SERTAD4: variants seen among roughly 807,000 people sequenced by gnomAD.
SERTAD4 encodes the protein SERTA domain containing 4, also known as SERTA domain-containing protein 4.
A neutral mutation model predicts 32.9 loss-of-function variants in SERTAD4; 18 were observed. That is an observed-to-expected ratio of 0.55 (90% CI 0.38 to 0.81). SERTAD4 has a LOEUF of 0.81. Among genes scored for constraint, SERTAD4 ranks in the 30% least tolerant of loss-of-function variants. The probability of loss-of-function intolerance (pLI) is 0.00; values close to 1 mark genes in which losing one functional copy is unlikely to be tolerated. For missense variants in SERTAD4, 383 were observed against 426.0 expected, an observed-to-expected ratio of 0.90 and a Z score of 0.89; for synonymous variants, 150 against 156.4, an observed-to-expected ratio of 0.96 and a Z score of 0.30.
At position 210,241,871 on chromosome 1, in the gene SERTAD4, T is replaced by C. The variant is rs367711056; in HGVS notation, c.605T>C (p.Leu202Ser). 1 of 1,614,060 alleles carries C rather than the reference T, an allele frequency of 6.2e-7. No homozygotes were observed. Among genetic ancestry groups the C allele is most frequent in the African/African-American group, 1.3e-5 (1 of 74,930 alleles). Residue 202 changes from leucine to serine, a missense_variant, in exon 4 of 4, where the codon TTA becomes TCA. By Grantham distance (145) the Leu-to-Ser change is moderately radical. Coordinates refer to ENST00000367012, the MANE Select transcript of SERTAD4 (RefSeq NM_019605.5). ...YQECGGHYLN[L>S]PLSVNANVGS... is the part of the protein sequence containing the mutation. ...GAATGTGGTGGCCACTACCTAAATT[T>C]ACCCCTTTCTGTCAATGCTAATGTT... is the stretch of plus-strand genomic sequence containing the variant.
chr1:210,233,444 G>T (rs942647149), intron 1 of SERTAD4, among the ~76,000 whole-genome samples: 2 of 152,202 alleles, frequency 1.3e-5, no homozygotes, highest in African/African-American at 2.4e-5. Flanking sequence ...GGTGCCCCCA[G>T]GTCCGGATGC....
chr1:210,239,424 G>A lies in SERTAD4; in HGVS notation c.176-69G>A, dbSNP rs1017219021. Reference sequence around the variant, plus strand: ...GTTATCCTCTAGAAGGAAAGGAAACGAAAGTATTTTGTTTGGAGAACCTCT... The same window carrying A: ...GTTATCCTCTAGAAGGAAAGGAAACAAAAGTATTTTGTTTGGAGAACCTCT... On this transcript the variant is annotated intron_variant, in intron 2 of 3. Coordinates refer to ENST00000367012, the MANE Select transcript of SERTAD4 (RefSeq NM_019605.5). 1.0e-4 allele frequency: 91 copies of A among 875,980 alleles called. No individual in the cohort carries two copies. The East Asian group carries it at 1.4e-3, about 14-fold the overall frequency. The allele number at this position is 875,980 out of a possible 1,614,324, so 54.3% of individuals were successfully genotyped here. A position where few individuals can be genotyped will look rare whatever the true frequency, so the allele number is the denominator to read the frequency against.
rs1029468183 is a variant in SERTAD4 at position 210,242,823 on chromosome 1, G to GGTGCT, written c.*489_*493dup. The GGTGCT allele has an allele frequency of 1.0e-6, 1 of 987,318 alleles. No homozygotes were observed. Among genetic ancestry groups the GGTGCT allele is most frequent in the Non-Finnish European group, 1.2e-6 (1 of 831,182 alleles). 61.2% of individuals were successfully genotyped at this position (987,318 alleles called of 1,614,324 possible). A position where few individuals can be genotyped will look rare whatever the true frequency, so the allele number is the denominator to read the frequency against. ...AGGGAGCTAGATGAAATGGCTTAATGGTGCTGTTAAGTATTTGTACCTAAC... is the reference window on the plus strand; with the variant it reads ...AGGGAGCTAGATGAAATGGCTTAATGGTGCTGTGCTGTTAAGTATTTGTACCTAAC... On this transcript the variant is annotated 3_prime_UTR_variant, in exon 4 of 4. Coordinates refer to ENST00000367012, the MANE Select transcript of SERTAD4 (RefSeq NM_019605.5). This position sits in a 1 kb window ranked among gnomAD's most constrained non-coding sequence, Gnocchi z 4.0.
Position 210,245,286 on chromosome 1 carries a change from G to A in SERTAD4, c.*2949G>A, listed in dbSNP as rs760780363. The A allele has an allele frequency of 6.6e-6, 1 of 152,122 alleles. No homozygotes were observed. Among genetic ancestry groups the A allele is most frequent in the East Asian group, 1.9e-4 (1 of 5,192 alleles). 9.4% of individuals were successfully genotyped at this position (152,122 alleles called of 1,614,324 possible). The stretch of plus-strand genomic sequence containing the variant: ...GGGGAAATCTTCATTTAAGAAAGTT[G>A]CCTTGCTCCCCAAGAGTGCCTTTAA... On this transcript the variant is annotated 3_prime_UTR_variant, in exon 4 of 4. Transcript: ENST00000367012.
rs1218749145 is a variant in SERTAD4 at position 210,242,000 on chromosome 1, A to G, written c.734A>G (p.Asp245Gly). Residue 245 changes from aspartate to glycine, a missense_variant, in exon 4 of 4, where the codon GAT (aspartate) becomes GGT (glycine). Coordinates refer to ENST00000367012, the MANE Select transcript of SERTAD4 (RefSeq NM_019605.5). ...TTACCGAGTTGTTCCCGCCAGGTGGATTTTGATGTAGGTAGTGCATCTATT... is the reference window on the plus strand; with the variant it reads ...TTACCGAGTTGTTCCCGCCAGGTGGGTTTTGATGTAGGTAGTGCATCTATT... The part of the protein sequence containing the change: ...LPLPSCSRQV[D>G]FDVGSASIYK... 2 of 1,613,606 alleles carry G rather than the reference A, an allele frequency of 1.2e-6. No homozygotes were observed. The highest frequency in any genetic ancestry group is 1.7e-6 in the Non-Finnish European group (2 of 1,179,960).
In SERTAD4 at chr1:210,241,989, C is replaced by G; in HGVS notation, c.723C>G (p.Ser241=). Residue 241 remains serine, a synonymous_variant, in exon 4 of 4, where the codon TCC becomes TCG. Transcript: ENST00000367012. The part of the protein sequence containing the change: ...SSPPLPLPSC[S]RQVDFDVGSA... The stretch of plus-strand genomic sequence containing the variant: ...CCCCTTTGCCTTTACCGAGTTGTTC[C>G]CGCCAGGTGGATTTTGATGTAGGTA... 6.2e-7 allele frequency: 1 copy of G among 1,614,110 alleles called. No homozygotes were observed. Among genetic ancestry groups the G allele is most frequent in the South Asian group, 1.1e-5 (1 of 91,074 alleles).
At chr1:210,233,661 C>G (rs774524646) in intron 1 of SERTAD4, 12 of 469,770 alleles carry the variant, frequency 2.6e-5, no homozygotes, top group Non-Finnish European at 4.8e-5. Flanking sequence ...GGCTGCTGCC[C>G]GCCTGGTCCA....
chr1:210,239,721 A>T, intron 3 of SERTAD4, 113 bp downstream of exon 3: 1 of 605,334 alleles, frequency 1.7e-6, no homozygotes, highest in Non-Finnish European at 2.8e-6. Context: ...AAAATGAGCC[A>T]CTTCTCAGTG....
rs1329033978 is a variant in SERTAD4 at position 210,240,864 on chromosome 1, A to G, written c.292-694A>G. 2.0e-5 allele frequency among the ~76,000 whole-genome samples: 3 copies of G among 152,230 alleles called. No homozygotes were observed. In the East Asian group the frequency reaches 5.8e-4, roughly 29 times the overall value. On this transcript the variant is annotated intron_variant, in intron 3 of 3. Transcript: ENST00000367012. ...TTGCAAGTATGAAACCCAAAGGATTAAAAGAGGGACAGCATTAAAAGCCAA... is the reference window on the plus strand; with the variant it reads ...TTGCAAGTATGAAACCCAAAGGATTGAAAGAGGGACAGCATTAAAAGCCAA...
rs1318646961 is a variant in SERTAD4 at position 210,241,693 on chromosome 1, A to T, written c.427A>T (p.Ile143Phe). The T allele has an allele frequency of 3.1e-6, 5 of 1,614,066 alleles. No individual in the cohort carries two copies. The highest frequency in any genetic ancestry group is 4.2e-6 in the Non-Finnish European group (5 of 1,180,008). ...NNLMKRIHGE[I>F]IMQNNWCFPA... is the part of the protein sequence containing the mutation. ...TTTGATGAAAAGGATCCATGGAGAA[A>T]TTATCATGCAGAATAACTGGTGCTT... The change falls in exon 4 of 4, where the codon ATT becomes TTT. Residue 143 changes from isoleucine to phenylalanine, a missense_variant. By Grantham distance (21) the Ile-to-Phe change is conservative (BLOSUM62 0). Around this residue, in one of 3 missense-constraint regions of SERTAD4, gnomAD observed 107 missense variants for 158.8 expected, o/e 0.67. Coordinates refer to ENST00000367012, the MANE Select transcript of SERTAD4 (RefSeq NM_019605.5).
Position 210,242,579 on chromosome 1 carries a change from C to G in SERTAD4, c.*242C>G. On this transcript the variant is annotated 3_prime_UTR_variant, in exon 4 of 4. Transcript: ENST00000367012. This position sits in a 1 kb window ranked among gnomAD's most constrained non-coding sequence, Gnocchi z 4.0. ...ATTGACTTAATGCTTAAAAGTATAT[C>G]ATAGTTTTCTTACGGAAAAGATCAG... is the stretch of plus-strand genomic sequence containing the variant. 8.1e-7 allele frequency: 1 copy of G among 1,231,068 alleles called. No homozygotes were observed. The highest frequency in any genetic ancestry group is 1.0e-6 in the Non-Finnish European group (1 of 988,026). 76.3% of individuals were successfully genotyped at this position (1,231,068 alleles called of 1,614,324 possible).
chr1:210,240,051 G>GC (rs1234770216), intron 3 of SERTAD4, among the ~76,000 whole-genome samples: 2 of 152,080 alleles, frequency 1.3e-5, no homozygotes, highest in Non-Finnish European at 2.9e-5. Flanking sequence ...CTTATGGGTA[G>GC]ACTCATCATC....
intron 1 of SERTAD4, chr1:210,234,129 G>T (rs1167382148): frequency 4.0e-6 from 1 of 251,326 alleles, no homozygotes; most frequent in African/African-American, 2.4e-5. Flanking sequence ...TTTCTCCTGC[G>T]GCCAGCGGCC....
At position 210,242,092 on chromosome 1, in the gene SERTAD4, C is replaced by T; in HGVS notation, c.826C>T (p.Gln276Ter). The change falls in exon 4 of 4, where the codon CAG (glutamine) becomes TAG (stop). Residue 276 changes from glutamine (Q) to a stop codon, truncating the protein, a stop_gained. Coordinates refer to ENST00000367012, the MANE Select transcript of SERTAD4 (RefSeq NM_019605.5). LOFTEE classifies it high-confidence loss of function. The surrounding 1 kb of genome is among the most constrained non-coding windows in gnomAD (Gnocchi z 4.0). ...FVTNVRSLGV[Q>*]EKAKLNDEKA... ...CACTAATGTCAGATCACTTGGTGTT[C>T]AGGAAAAGGCCAAATTAAATGATGA... 6.2e-7 allele frequency: 1 copy of T among 1,614,100 alleles called. No homozygotes were observed.
Position 210,241,410 on chromosome 1 carries a change from C to G in SERTAD4, c.292-148C>G, listed in dbSNP as rs568252184. 292 of 782,928 alleles carry G rather than the reference C, an allele frequency of 3.7e-4. 2 individuals are homozygous for G. In the Admixed American group the frequency reaches 9.3e-3, roughly 25 times the overall value. 48.5% of individuals were successfully genotyped at this position (782,928 alleles called of 1,614,324 possible). ...TGGGGGACAGCCTCTCTAAATTAAC[C>G]CTGCGGAACAAGACCACAACATGCC... is the stretch of plus-strand genomic sequence containing the variant. On this transcript the variant is annotated intron_variant, in intron 3 of 3. Transcript: ENST00000367012.
rs749537055 is a variant in SERTAD4 at position 210,238,043 on chromosome 1, T to C, written c.83T>C (p.Leu28Pro). Residue 28 changes from leucine (L) to proline (P), a missense_variant, in exon 2 of 4, where the codon CTA becomes CCA. Physicochemically the swap from Leu to Pro is moderately conservative, Grantham distance 98. Around this residue, in one of 3 missense-constraint regions of SERTAD4, gnomAD observed 96 missense variants for 76.6 expected, o/e 1.25. Transcript: ENST00000367012. Reference protein sequence around the residue: ...GAAEIAGYQTLWEADSYGGPS... With the variant: ...GAAEIAGYQTPWEADSYGGPS... Reference sequence around the variant, plus strand: ...GCTGAAATTGCTGGGTACCAAACACTATGGGAGGCTGACAGCTACGGAGGC... The same window carrying C: ...GCTGAAATTGCTGGGTACCAAACACCATGGGAGGCTGACAGCTACGGAGGC... The C allele has an allele frequency of 1.0e-4, 166 of 1,613,494 alleles. No homozygotes were observed. Among genetic ancestry groups the C allele is most frequent in the Non-Finnish European group, 1.3e-4 (158 of 1,179,816 alleles).
chr1:210,245,914 CCTT>C lies in SERTAD4; in HGVS notation c.*3580_*3582del. 1 of 985,340 alleles carries C rather than the reference CCTT, an allele frequency of 1.0e-6. No individual in the cohort carries two copies. Among genetic ancestry groups the C allele is most frequent in the South Asian group, 4.7e-5 (1 of 21,282 alleles). The allele number at this position is 985,340 out of a possible 1,614,324, so 61.0% of individuals were successfully genotyped here. On this transcript the variant is annotated 3_prime_UTR_variant, in exon 4 of 4. Transcript: ENST00000367012. ...ATGTGATGCAGCTAGGTTTTTATAT[CCTT>C]CTAACAAATGGTGAGCAGGAGACTT...
chr1:210,233,811 C>A (rs1365284490), intron 1 of SERTAD4: 1 of 470,006 alleles, frequency 2.1e-6, no homozygotes, highest in Non-Finnish European at 4.4e-6. Flanking sequence ...CTCCCGCAAC[C>A]GCGGGCTTCC....
In SERTAD4 at chr1:210,241,543, T is replaced by C. The variant is rs760734626; in HGVS notation, c.292-15T>C. 3.4e-6 allele frequency: 5 copies of C among 1,489,410 alleles called. No homozygotes were observed. Among genetic ancestry groups the C allele is most frequent in the East Asian group, 2.3e-5 (1 of 42,700 alleles). The allele number at this position is 1,489,410 out of a possible 1,614,324, so 92.3% of individuals were successfully genotyped here. On this transcript the variant is annotated splice_polypyrimidine_tract_variant and intron_variant, in intron 3 of 3. Coordinates refer to ENST00000367012, the MANE Select transcript of SERTAD4 (RefSeq NM_019605.5). ...TTCTGTTTGTTTTTTTCTTTTTTTT[T>C]TTTTTGGTTTGTAGACCATCTCAAT...
Sources: gnomAD v4.1 joint callset for allele counts (sites outside exome capture counted in the v4.1 genomes callset) on GRCh38, gnomAD v4.1.1 for gene constraint, gnomAD v4.1.1 regional missense constraint, Gnocchi (gnomAD v3.1) non-coding constraint, MANE v1.5 for transcripts, NCBI Gene and HGNC (gene_info 2026-07-23, HGNC 2026-07-21) for gene names.